Variants in MEIG1 observed in about 807,000 individuals in gnomAD.
The protein encoded by MEIG1 is meiosis expressed gene 1 protein homolog.
Under a neutral mutation model 11.3 loss-of-function variants are expected in MEIG1, and 12 were observed. That is an observed-to-expected ratio of 1.07 (90% CI 0.68 to 1.73). The LOEUF is 1.73. MEIG1 is among the 40% of genes most tolerant of loss of function. MEIG1 has a pLI of 0.00. For missense variants in MEIG1, 119 were observed against 104.9 expected, an observed-to-expected ratio of 1.13 and a Z score of -0.59; for synonymous variants, 41 against 33.2, an observed-to-expected ratio of 1.24 and a Z score of -0.81.
At position 14,979,718 on chromosome 10, in the gene MEIG1, T is replaced by A. The variant is rs191976747; in HGVS notation, n.67-7078T>A. On this transcript the variant is annotated intron_variant and non_coding_transcript_variant, in intron 1 of 2. Transcript: ENST00000467536. ...TGTTATCTTAATGTCATAGGGTGTG[T>A]ACACCCCTTGATATTATTCCTAATA... is the stretch of plus-strand genomic sequence containing the variant. Among the ~76,000 whole-genome samples the A allele has an allele frequency of 3.1e-3, 479 of 152,144 alleles. 4 individuals are homozygous for A. Among genetic ancestry groups the A allele is most frequent in the Non-Finnish European group, 5.7e-3 (388 of 67,960 alleles).
intron 2 of MEIG1, among the ~76,000 whole-genome samples, chr10:14,969,843 T>G (rs1439143205): frequency 6.6e-6 from 1 of 152,120 alleles, no homozygotes; most frequent in Non-Finnish European, 1.5e-5. Flanking sequence ...CACAAAAAAT[T>G]TGTTGACTGA....
At chr10:14,987,081 C>G (rs1843325811) in intron 2 of MEIG1, 5 of 647,124 alleles carry the variant, frequency 7.7e-6, no homozygotes, top group South Asian at 1.5e-5. Flanking sequence ...CATAGGCCAT[C>G]ACAGTCAGGA....
downstream of MEIG1, among the ~76,000 whole-genome samples, chr10:14,973,113 G>C (rs554309222): frequency 6.6e-6 from 1 of 152,044 alleles, no homozygotes; most frequent in African/African-American, 2.4e-5. Flanking sequence ...TGATCTGCCC[G>C]CCTCAGCCTC....
Position 14,979,621 on chromosome 10 carries a change from C to T in MEIG1, n.66+7001C>T, listed in dbSNP as rs79827087. 5.1e-3 allele frequency among the ~76,000 whole-genome samples: 782 copies of T among 151,906 alleles called. 10 individuals carry two copies. Among genetic ancestry groups the T allele is most frequent in the East Asian group, 0.012 (60 of 5,170 alleles). On this transcript the variant is annotated intron_variant and non_coding_transcript_variant, in intron 1 of 2. Transcript: ENST00000467536. ...ACCCTGGGATCTTATTTGTAATATC[C>T]TACGAAGATGTTACTTGTAATGTCA...
At chr10:14,984,601 G>A (rs7088199) in intron 1 of MEIG1, among the ~76,000 whole-genome samples, 63,616 of 151,588 alleles carry the variant, frequency 0.42, 13,653 homozygotes, top group Middle Eastern at 0.54. Flanking sequence ...TATCCTAGAG[G>A]GATGTCACCT....
At chr10:14,965,390 A>C (rs1179878365) in intron 1 of MEIG1, among the ~76,000 whole-genome samples, 1 of 152,216 alleles carries the variant, frequency 6.6e-6, no homozygotes, top group African/African-American at 2.4e-5. Context: ...CAATTACATG[A>C]ACTAAAGTCG....
upstream of MEIG1, among the ~76,000 whole-genome samples, chr10:14,958,222 G>A (rs1439935283): frequency 1.3e-5 from 2 of 152,188 alleles, no homozygotes; most frequent in East Asian, 3.8e-4. Context: ...TCAAGTGGAT[G>A]TTGAATATAC....
chr10:14,954,675 T>C (rs1842890060), upstream of MEIG1, among the ~76,000 whole-genome samples: 1 of 152,066 alleles, frequency 6.6e-6, no homozygotes, highest in African/African-American at 2.4e-5. Context: ...GCTGCTGGCC[T>C]CTCCCCTGGG....
chr10:14,978,414 A>C (rs369182487), intron 1 of MEIG1, among the ~76,000 whole-genome samples: 24 of 151,938 alleles, frequency 1.6e-4, no homozygotes, highest in African/African-American at 5.3e-4. Context: ...ATATTAGTCC[A>C]AAACCAAAGG....
chr10:14,984,031 C>G (rs763949328), intron 1 of MEIG1, among the ~76,000 whole-genome samples: 36 of 152,120 alleles, frequency 2.4e-4, no homozygotes, highest in East Asian at 3.9e-4. Flanking sequence ...TATCCAGGGG[C>G]AAGAGGATGC....
intron 1 of MEIG1, among the ~76,000 whole-genome samples, chr10:14,964,991 T>G (rs1843063342): frequency 6.6e-6 from 1 of 152,132 alleles, no homozygotes; most frequent in Admixed American, 6.5e-5. Context: ...TTCACCATGT[T>G]GGCCAGGCTG....
upstream of MEIG1, among the ~76,000 whole-genome samples, chr10:14,955,744 T>A (rs751870271): frequency 3.9e-5 from 6 of 152,198 alleles, no homozygotes; most frequent in Non-Finnish European, 8.8e-5. Context: ...AATGTCAGCT[T>A]GTGCCTGTAG....
At chr10:14,955,062 G>A (rs1403705937), upstream of MEIG1, among the ~76,000 whole-genome samples, 1 of 152,210 alleles carries the variant, frequency 6.6e-6, no homozygotes, top group Non-Finnish European at 1.5e-5. Flanking sequence ...CTCCAGAGTA[G>A]CTGGGACTAC....
chr10:14,984,568 T>C (rs758664605), intron 1 of MEIG1, among the ~76,000 whole-genome samples: 3 of 151,740 alleles, frequency 2.0e-5, no homozygotes, highest in Non-Finnish European at 4.4e-5. Flanking sequence ...CACGGGGAAG[T>C]TTCCCTTTGA....
intron 1 of MEIG1, among the ~76,000 whole-genome samples, chr10:14,983,855 G>A (rs2131284807): frequency 6.6e-6 from 1 of 152,088 alleles, no homozygotes; most frequent in South Asian, 2.1e-4. Context: ...CACCACCCCA[G>A]GGATATTGTT....
intron 1 of MEIG1, among the ~76,000 whole-genome samples, chr10:14,979,597 C>T (rs1013773243): frequency 6.6e-5 from 10 of 152,018 alleles, no homozygotes; most frequent in Non-Finnish European, 1.5e-4. Flanking sequence ...GGGCTGTCAA[C>T]CCTGGGATCT....
chr10:14,973,769 C>CAAAAAAAA (rs59507280), downstream of MEIG1, among the ~76,000 whole-genome samples: 5 of 90,410 alleles, frequency 5.5e-5, no homozygotes, highest in African/African-American at 8.9e-5. Flanking sequence ...GACTCCATCT[C>CAAAAAAAA]AAAAAAAAAA....
downstream of MEIG1, among the ~76,000 whole-genome samples, chr10:14,973,769 CAAAAAAAA>C (rs59507280): frequency 1.1e-5 from 1 of 90,478 alleles, no homozygotes; most frequent in African/African-American, 4.4e-5. Context: ...GACTCCATCT[CAAAAAAAA>C]AAAAAAAAAG....
chr10:14,967,732 GT>G (rs771848809), intron 2 of MEIG1, among the ~76,000 whole-genome samples: 2 of 152,114 alleles, frequency 1.3e-5, no homozygotes, highest in Admixed American at 6.6e-5. Context: ...ACAACTACTA[GT>G]AACCTAGTGT....
Sources: allele counts gnomAD v4.1 joint callset (sites outside exome capture counted in the v4.1 genomes callset), GRCh38; gene constraint gnomAD v4.1.1; transcripts MANE v1.5; gene names NCBI Gene and HGNC (gene_info 2026-07-23, HGNC 2026-07-21).